GALNT14: variants seen among roughly 807,000 people sequenced by gnomAD.
GALNT14 encodes the protein UDP-GalNAc:polypeptide N-acetylgalactosaminyltransferase 14.
Under a neutral mutation model 77.5 loss-of-function variants are expected in GALNT14, and 60 were observed. The observed-to-expected ratio is 0.77, with a 90% CI of 0.63 to 0.96. GALNT14 has a LOEUF of 0.96. GALNT14 is among the 40% of genes least tolerant of loss of function. The probability of loss-of-function intolerance (pLI) is 0.00; values close to 1 mark genes in which losing one functional copy is unlikely to be tolerated. For synonymous variants in GALNT14, 280 were observed against 281.7 expected (o/e 0.99, Z 0.06); for missense variants, 710 against 731.0 (o/e 0.97, Z 0.33).
At chr2:30,970,269 G>A (rs1668268804) in intron 2 of GALNT14, among the ~76,000 whole-genome samples, 1 of 152,152 alleles carries the variant, frequency 6.6e-6, no homozygotes, top group African/African-American at 2.4e-5. Context: ...GCGTCAATGT[G>A]AGTGAAAAGA....
At chr2:30,985,612 T>A (rs1424855857) in intron 2 of GALNT14, among the ~76,000 whole-genome samples, 1 of 152,198 alleles carries the variant, frequency 6.6e-6, no homozygotes, top group Non-Finnish European at 1.5e-5. Flanking sequence ...GTCCTGCAAC[T>A]CTTCCTGCTC....
intron 1 of GALNT14, among the ~76,000 whole-genome samples, chr2:30,994,158 G>A (rs1234981756): frequency 6.6e-6 from 1 of 152,190 alleles, no homozygotes; most frequent in Admixed American, 6.5e-5. Context: ...GAGGGTTGTT[G>A]GTATGCTGGG....
chr2:30,992,657 T>G (rs1669778635), intron 2 of GALNT14, among the ~76,000 whole-genome samples, 181 bp downstream of exon 2: 1 of 152,184 alleles, frequency 6.6e-6, no homozygotes, highest in Non-Finnish European at 1.5e-5. Flanking sequence ...CTCTCAGCAG[T>G]AAGCAGTAGG....
intron 1 of GALNT14, among the ~76,000 whole-genome samples, chr2:31,008,691 G>C (rs1265630504): frequency 6.6e-6 from 1 of 152,240 alleles, no homozygotes; most frequent in African/African-American, 2.4e-5. Context: ...GCGGTGCATA[G>C]AGAAAGTAGG....
At chr2:30,922,307 G>A (rs1302684827) in intron 13 of GALNT14, among the ~76,000 whole-genome samples, 2 of 152,050 alleles carry the variant, frequency 1.3e-5, no homozygotes, top group East Asian at 1.9e-4. Flanking sequence ...CTGTTCCCCA[G>A]GACAAAAAGC....
chr2:30,960,192 T>C (rs971210558), intron 3 of GALNT14, among the ~76,000 whole-genome samples: 1 of 152,058 alleles, frequency 6.6e-6, no homozygotes, highest in African/African-American at 2.4e-5. Context: ...TGCCAGAGGA[T>C]GGTGGAATGG....
chr2:31,043,536 G>T (rs1385863985), intron 1 of GALNT14, among the ~76,000 whole-genome samples: 1 of 152,172 alleles, frequency 6.6e-6, no homozygotes, highest in Admixed American at 6.5e-5. Context: ...AAAACACTGT[G>T]CTTGAAGATG....
intron 1 of GALNT14, among the ~76,000 whole-genome samples, chr2:31,120,377 T>TA (rs1678345737): frequency 6.6e-6 from 1 of 152,190 alleles, no homozygotes; most frequent in African/African-American, 2.4e-5. Flanking sequence ...TCCAGATTCT[T>TA]ATGTTGCTTA....
intron 1 of GALNT14, among the ~76,000 whole-genome samples, chr2:31,050,844 A>G (rs7564975): frequency 0.75 from 112,914 of 150,180 alleles, 42,707 homozygotes; most frequent in East Asian, 1. Context: ...AGCTGTTGGC[A>G]TTTGGGGATA....
At chr2:30,956,103 A>G (rs1667354891) in intron 4 of GALNT14, 126 bp from the exon 5 acceptor site, 1 of 858,996 alleles carries the variant, frequency 1.2e-6, no homozygotes, top group Admixed American at 1.8e-5. Flanking sequence ...CTAACTGCAG[A>G]GTGCAGTCCT....
intron 6 of GALNT14, 68 bp downstream of exon 6, chr2:30,955,550 T>G (rs2148317399): frequency 2.9e-5 from 45 of 1,567,754 alleles, no homozygotes; most frequent in South Asian, 3.6e-5. Flanking sequence ...TGTGAAGTAA[T>G]GAGCTTGAGA....
the GALNT14 span, among the ~76,000 whole-genome samples, chr2:30,892,443 A>T: frequency 6.6e-6 from 1 of 152,354 alleles, no homozygotes; most frequent in South Asian, 2.1e-4. Context: ...TTACATTGAT[A>T]TCAGACTGCT....
chr2:31,023,564 C>G (rs1252795249), intron 1 of GALNT14, among the ~76,000 whole-genome samples: 1 of 152,142 alleles, frequency 6.6e-6, no homozygotes, highest in East Asian at 1.9e-4. Context: ...TCTTCCCTTC[C>G]TTTCTTGAGC....
the GALNT14 span, among the ~76,000 whole-genome samples, chr2:30,899,580 T>A: frequency 6.6e-6 from 1 of 152,246 alleles, no homozygotes; most frequent in Non-Finnish European, 1.5e-5. Flanking sequence ...GTTTTTTTTT[T>A]TTTCCTCCTT....
At chr2:30,985,343 A>G (rs1181802909) in intron 2 of GALNT14, among the ~76,000 whole-genome samples, 1 of 152,200 alleles carries the variant, frequency 6.6e-6, no homozygotes, top group African/African-American at 2.4e-5. Flanking sequence ...TCAAAAAAAC[A>G]GGCACTCAAA....
chr2:30,950,899 T>G (rs1278107092), intron 6 of GALNT14, among the ~76,000 whole-genome samples: 1 of 152,206 alleles, frequency 6.6e-6, no homozygotes, highest in African/African-American at 2.4e-5. Flanking sequence ...AGAGGGTTTC[T>G]GAGATGAACT....
chr2:31,125,896 T>C (rs1678678529), intron 1 of GALNT14, among the ~76,000 whole-genome samples: 1 of 152,244 alleles, frequency 6.6e-6, no homozygotes, highest in Non-Finnish European at 1.5e-5. Flanking sequence ...GGCCTTTGTA[T>C]TTTCAGCATC....
chr2:31,054,591 G>A (rs894281851), intron 1 of GALNT14, among the ~76,000 whole-genome samples: 2 of 152,180 alleles, frequency 1.3e-5, no homozygotes, highest in Non-Finnish European at 2.9e-5. Flanking sequence ...TGAATGAACA[G>A]AAAGAACACT....
At chr2:31,133,487 T>C (rs1679083984) in intron 1 of GALNT14, among the ~76,000 whole-genome samples, 1 of 152,226 alleles carries the variant, frequency 6.6e-6, no homozygotes, top group Non-Finnish European at 1.5e-5. Flanking sequence ...TTGTTGTATT[T>C]CTAGTACAGC....
Sources: allele counts gnomAD v4.1 joint callset (sites outside exome capture counted in the v4.1 genomes callset), GRCh38; gene constraint gnomAD v4.1.1; transcripts MANE v1.5; gene names NCBI Gene and HGNC (gene_info 2026-07-23, HGNC 2026-07-21).